Variants in MCU observed in about 807,000 individuals in gnomAD.
MCU encodes calcium uniporter protein, mitochondrial.
Under a neutral mutation model 45.2 loss-of-function variants are expected in MCU, and 12 were observed. That is an observed-to-expected ratio of 0.27 (90% CI 0.17 to 0.43). The LOEUF is 0.43. Ranked by LOEUF, MCU falls within the 20% of genes least tolerant of loss-of-function variation. The pLI is 1.00. For missense variants in MCU, 324 were observed against 436.7 expected (o/e 0.74, Z 2.30); for synonymous variants, 160 against 165.1 (o/e 0.97, Z 0.24).
intron 1 of MCU, among the ~76,000 whole-genome samples, chr10:72,695,169 T>C (rs1045744108): frequency 6.6e-6 from 1 of 152,360 alleles, no homozygotes; most frequent in Non-Finnish European, 1.5e-5. Context: ...ATTTCGTCTC[T>C]GATTATGACA....
At chr10:72,862,197 G>A (rs1589501843) in intron 4 of MCU, among the ~76,000 whole-genome samples, 1 of 152,020 alleles carries the variant, frequency 6.6e-6, no homozygotes. Context: ...TAGCCAGGAT[G>A]GTCTCGATCT....
At chr10:72,842,256 T>C (rs1845059159) in intron 2 of MCU, among the ~76,000 whole-genome samples, 1 of 152,246 alleles carries the variant, frequency 6.6e-6, no homozygotes. Context: ...TCAGTTTCTC[T>C]GTAGGCATAT....
chr10:72,862,740 T>A (rs1206728555), intron 4 of MCU, among the ~76,000 whole-genome samples: 1 of 151,918 alleles, frequency 6.6e-6, no homozygotes, highest in African/African-American at 2.4e-5. Flanking sequence ...TGTAGGACAT[T>A]CCTTCTTTTC....
intron 1 of MCU, among the ~76,000 whole-genome samples, chr10:72,703,543 T>G (rs1842783310): frequency 6.6e-6 from 1 of 152,218 alleles, no homozygotes; most frequent in Non-Finnish European, 1.5e-5. Flanking sequence ...TGTTTTTAAC[T>G]CAGCCCACAG....
intron 1 of MCU, among the ~76,000 whole-genome samples, chr10:72,695,589 T>C (rs1842675853): frequency 6.6e-6 from 1 of 152,204 alleles, no homozygotes; most frequent in Non-Finnish European, 1.5e-5. Context: ...CAGACTGTGA[T>C]GTACAATTCC....
chr10:72,777,326 C>T (rs959226991), intron 1 of MCU, among the ~76,000 whole-genome samples: 1 of 152,148 alleles, frequency 6.6e-6, no homozygotes, highest in African/African-American at 2.4e-5. Flanking sequence ...AGCGAAATAG[C>T]GTGATACTGG....
At chr10:72,871,186 C>T (rs995046165) in intron 5 of MCU, among the ~76,000 whole-genome samples, 191 bp from the exon 6 acceptor site, 1 of 152,216 alleles carries the variant, frequency 6.6e-6, no homozygotes, top group African/African-American at 2.4e-5. Context: ...AGATGTGAGC[C>T]ACTGCACCTG....
At chr10:72,700,517 C>T (rs1456873696) in intron 1 of MCU, among the ~76,000 whole-genome samples, 4 of 152,174 alleles carry the variant, frequency 2.6e-5, no homozygotes, top group Non-Finnish European at 4.4e-5. Flanking sequence ...TAAATGCTTG[C>T]AGTTAGCTTG....
chr10:72,762,024 C>T (rs1030116604), intron 1 of MCU, among the ~76,000 whole-genome samples: 3 of 152,222 alleles, frequency 2.0e-5, no homozygotes, highest in Middle Eastern at 3.4e-3. Flanking sequence ...CTTAGGCCCC[C>T]TGAATATCTG....
intron 1 of MCU, among the ~76,000 whole-genome samples, chr10:72,717,840 T>C (rs139876050): frequency 0.019 from 2,864 of 152,276 alleles, 83 homozygotes; most frequent in African/African-American, 0.065. Flanking sequence ...TTACAATCTG[T>C]AGATTATGTT....
At chr10:72,856,815 C>T (rs1019535261) in intron 2 of MCU, among the ~76,000 whole-genome samples, 12 of 62 alleles carry the variant, frequency 0.19, no homozygotes, top group South Asian at 0.33. Flanking sequence ...TGGTGGTGCA[C>T]GCCTGTAGTT....
At chr10:72,852,523 CAG>C (rs1845222709) in intron 2 of MCU, among the ~76,000 whole-genome samples, 1 of 152,194 alleles carries the variant, frequency 6.6e-6, no homozygotes, top group African/African-American at 2.4e-5. Flanking sequence ...CAACTGTTTT[CAG>C]ACACTGGACA....
chr10:72,834,919 T>C (rs1005665069), intron 2 of MCU, among the ~76,000 whole-genome samples: 4 of 152,198 alleles, frequency 2.6e-5, no homozygotes, highest in Admixed American at 2.6e-4. Flanking sequence ...CCCAAAGTGC[T>C]GGGATTATAG....
intron 1 of MCU, among the ~76,000 whole-genome samples, 200 bp from the exon 2 acceptor site, chr10:72,834,159 T>C (rs1358832133): frequency 1.3e-5 from 2 of 152,228 alleles, no homozygotes; most frequent in Non-Finnish European, 2.9e-5. Context: ...CTTGAAAACA[T>C]ACCAAAATGT....
chr10:72,731,667 A>G (rs978712894), intron 1 of MCU, among the ~76,000 whole-genome samples: 1 of 152,030 alleles, frequency 6.6e-6, no homozygotes, highest in East Asian at 1.9e-4. Flanking sequence ...TTATTTCTAT[A>G]GATTTTCCTC....
At chr10:72,772,056 G>T (rs559147710) in intron 1 of MCU, among the ~76,000 whole-genome samples, 2 of 152,318 alleles carry the variant, frequency 1.3e-5, no homozygotes, top group South Asian at 4.1e-4. Context: ...ACTTGTCCTT[G>T]CCTTAACCTG....
chr10:72,786,166 G>T (rs1844068925), intron 1 of MCU, among the ~76,000 whole-genome samples: 2 of 152,138 alleles, frequency 1.3e-5, no homozygotes, highest in Non-Finnish European at 2.9e-5. Flanking sequence ...AGTTAATGTA[G>T]TTCTGGCTAG....
At chr10:72,755,500 A>G (rs773585314) in intron 1 of MCU, among the ~76,000 whole-genome samples, 24 of 152,220 alleles carry the variant, frequency 1.6e-4, no homozygotes, top group Non-Finnish European at 2.4e-4. Flanking sequence ...TGTTGATGGT[A>G]GAGTGGGGAA....
At chr10:72,745,525 G>A (rs1843402623) in intron 1 of MCU, among the ~76,000 whole-genome samples, 1 of 152,024 alleles carries the variant, frequency 6.6e-6, no homozygotes, top group Non-Finnish European at 1.5e-5. Flanking sequence ...CACCGTGCCC[G>A]GCCACTATTT....
Sources: allele counts gnomAD v4.1 joint callset (sites outside exome capture counted in the v4.1 genomes callset), GRCh38; gene constraint gnomAD v4.1.1; transcripts MANE v1.5; gene names NCBI Gene and HGNC (gene_info 2026-07-23, HGNC 2026-07-21).